The following RTL4 variants were observed in gnomAD, a reference collection of about 807,000 sequenced individuals.
The protein encoded by RTL4 is retrotransposon Gag like 4, also known as retrotransposon Gag-like protein 4.
Under a neutral mutation model 5.3 loss-of-function variants are expected in RTL4, and 4 were observed. The ratio of observed to expected loss-of-function variants is 0.75; its 90% CI spans 0.37 to 1.72. The LOEUF (loss-of-function observed/expected upper bound fraction) is 1.72. RTL4 is among the 40% of genes most tolerant of loss of function. The probability of loss-of-function intolerance (pLI) is 0.04; values close to 1 mark genes in which losing one functional copy is unlikely to be tolerated. For missense variants in RTL4, 260 were observed against 227.1 expected (o/e 1.14, Z -0.93); for synonymous variants, 98 against 87.3 (o/e 1.12, Z -0.68).
the RTL4 span, among the ~76,000 whole-genome samples, chrX:112,302,064 T>C: frequency 9.2e-6 from 1 of 109,066 alleles, no homozygotes; most frequent in African/African-American, 3.3e-5. Context: ...ATAGAGACCA[T>C]CCTGGCTAAC....
chrX:112,176,528 G>C, the RTL4 span, among the ~76,000 whole-genome samples: 14 of 111,193 alleles, frequency 1.3e-4, no homozygotes, highest in Non-Finnish European at 2.3e-4. Flanking sequence ...ATTACTGGGT[G>C]TGTCACTGGC....
the RTL4 span, among the ~76,000 whole-genome samples, chrX:112,392,721 A>ATGGG: frequency 3.7e-4 from 41 of 111,167 alleles, no homozygotes; most frequent in African/African-American, 1.2e-3. Flanking sequence ...CATCTCAGAG[A>ATGGG]AGTTGGAAAA....
At chrX:112,368,315 A>G in the RTL4 span, among the ~76,000 whole-genome samples, 1,389 of 111,531 alleles carry the variant, frequency 0.012, 18 homozygotes, top group African/African-American at 0.042. Context: ...CGTCTGGTGA[A>G]GGAGAAAAAA....
chrX:112,177,884 C>T, the RTL4 span, among the ~76,000 whole-genome samples: 1 of 110,231 alleles, frequency 9.1e-6, no homozygotes, highest in African/African-American at 3.3e-5. Flanking sequence ...AACTATTCTA[C>T]TCTGTCTTTG....
At chrX:112,127,527 T>A in the RTL4 span, among the ~76,000 whole-genome samples, 1 of 111,750 alleles carries the variant, frequency 8.9e-6, no homozygotes, top group Non-Finnish European at 1.9e-5. Context: ...AACGGGGGTG[T>A]TTGCTGTCAC....
At chrX:112,419,595 T>TTACATATGTATATGTATATATATA in the RTL4 span, among the ~76,000 whole-genome samples, 4 of 28,137 alleles carry the variant, frequency 1.4e-4, no homozygotes, top group Non-Finnish European at 2.9e-4. Flanking sequence ...ATATATATAT[T>TTACATATGTATATGTATATATATA]TTTACATATG....
the RTL4 span, among the ~76,000 whole-genome samples, chrX:112,092,064 G>A: frequency 4.5e-5 from 5 of 111,045 alleles, no homozygotes; most frequent in African/African-American, 1.6e-4. Context: ...TTAGCTATTT[G>A]CATGCAATAT....
chrX:112,236,313 G>C, the RTL4 span, among the ~76,000 whole-genome samples: 1 of 103,815 alleles, frequency 9.6e-6, no homozygotes, highest in Admixed American at 1.1e-4. Context: ...ATAGTATCTA[G>C]CTCACAAGAT....
At chrX:112,124,320 G>T in the RTL4 span, among the ~76,000 whole-genome samples, 2 of 111,592 alleles carry the variant, frequency 1.8e-5, no homozygotes, top group East Asian at 5.6e-4. Flanking sequence ...TCATTACTGG[G>T]TATATACCCA....
the RTL4 span, among the ~76,000 whole-genome samples, chrX:112,390,148 T>A: frequency 1.9e-5 from 1 of 51,620 alleles, no homozygotes; most frequent in Admixed American, 2.6e-4. Flanking sequence ...TATATATATA[T>A]ATATATATAT....
chrX:112,184,268 G>A, the RTL4 span, among the ~76,000 whole-genome samples: 1 of 109,699 alleles, frequency 9.1e-6, no homozygotes, highest in Non-Finnish European at 1.9e-5. Context: ...AAGTTAATGG[G>A]TGCAGCACAC....
chrX:112,360,528 T>C, the RTL4 span, among the ~76,000 whole-genome samples: 26 of 110,834 alleles, frequency 2.3e-4, no homozygotes, highest in African/African-American at 8.5e-4. Context: ...TTTCAGAACA[T>C]AGCATATCTA....
At chrX:112,210,236 T>C in the RTL4 span, among the ~76,000 whole-genome samples, 3 of 112,216 alleles carry the variant, frequency 2.7e-5, no homozygotes, top group Admixed American at 9.4e-5. Context: ...TTTAGGATAG[T>C]GGTTAATAAT....
the RTL4 span, among the ~76,000 whole-genome samples, chrX:112,257,391 T>C: frequency 8.9e-6 from 1 of 111,773 alleles, no homozygotes; most frequent in Non-Finnish European, 1.9e-5. Flanking sequence ...ATGTTCATAA[T>C]TGAGATTGTC....
At chrX:112,418,232 T>C in the RTL4 span, among the ~76,000 whole-genome samples, 1 of 112,164 alleles carries the variant, frequency 8.9e-6, no homozygotes, top group African/African-American at 3.2e-5. Flanking sequence ...CATTGAATTA[T>C]ACACGTCAAA....
chrX:112,116,529 C>T, the RTL4 span, among the ~76,000 whole-genome samples: 1 of 111,606 alleles, frequency 9.0e-6, no homozygotes, highest in Non-Finnish European at 1.9e-5. Context: ...CTGATTGGTC[C>T]ATTTTACAGA....
At chrX:112,380,796 G>A in the RTL4 span, among the ~76,000 whole-genome samples, 1 of 112,016 alleles carries the variant, frequency 8.9e-6, no homozygotes, top group African/African-American at 3.2e-5. Context: ...GGAAGTGGGG[G>A]CGCGGAGCAA....
chrX:112,322,198 A>G, the RTL4 span, among the ~76,000 whole-genome samples: 1 of 111,520 alleles, frequency 9.0e-6, no homozygotes, highest in Non-Finnish European at 1.9e-5. Flanking sequence ...TTGCATTTGC[A>G]TTTGCTAGGT....
chrX:112,089,841 T>C, the RTL4 span, among the ~76,000 whole-genome samples: 1 of 111,424 alleles, frequency 9.0e-6, no homozygotes, highest in Admixed American at 9.5e-5. Context: ...TGGGAAATAT[T>C]TCCATCTCAA....
Sources: gnomAD v4.1 joint callset for allele counts (sites outside exome capture counted in the v4.1 genomes callset) on GRCh38, gnomAD v4.1.1 for gene constraint, MANE v1.5 for transcripts, NCBI Gene and HGNC (gene_info 2026-07-23, HGNC 2026-07-21) for gene names.